BMP5: variants seen among roughly 807,000 people sequenced by gnomAD.
BMP5 encodes the protein bone morphogenetic protein 5.
BMP5 carries 23 observed loss-of-function variants against 46.6 expected under a neutral mutation model. The ratio of observed to expected loss-of-function variants is 0.49; its 90% CI spans 0.35 to 0.70. The LOEUF is 0.70. BMP5 is among the 30% of genes least tolerant of loss of function. BMP5 has a pLI of 0.00. For synonymous variants in BMP5, 204 were observed against 191.9 expected (o/e 1.06, Z -0.52); for missense variants, 545 against 565.6 (o/e 0.96, Z 0.37).
intron 3 of BMP5, among the ~76,000 whole-genome samples, chr6:55,787,983 T>A (rs557814017): frequency 6.6e-6 from 1 of 151,720 alleles, no homozygotes; most frequent in East Asian, 1.9e-4. Flanking sequence ...TTAGGGACCA[T>A]TGGACCCTAC....
chr6:55,773,050 T>C (rs964289994), intron 4 of BMP5: 1 of 377,744 alleles, frequency 2.6e-6, no homozygotes, highest in Non-Finnish European at 3.6e-6. Flanking sequence ...TTAGGAATAA[T>C]GACAAAGACT....
chr6:55,836,877 G>A (rs550712601), intron 1 of BMP5, among the ~76,000 whole-genome samples: 20 of 152,034 alleles, frequency 1.3e-4, no homozygotes, highest in Non-Finnish European at 2.1e-4. Context: ...GCTTCTTAAA[G>A]TTAACTACAG....
intron 1 of BMP5, among the ~76,000 whole-genome samples, chr6:55,873,678 A>G (rs12198673): frequency 0.1 from 15,380 of 151,982 alleles, 1,221 homozygotes; most frequent in African/African-American, 0.22. Flanking sequence ...TTTATCTCAT[A>G]TAGAAGGAAA....
At position 55,796,968 on chromosome 6, in the gene BMP5, C is replaced by T. The variant is rs147549676; in HGVS notation, c.684-2541G>A. Among the ~76,000 whole-genome samples the T allele has an allele frequency of 4.1e-4, 62 of 152,246 alleles. No homozygotes were observed. The East Asian group carries it at 0.011, about 27-fold the overall frequency. On this transcript the variant is annotated intron_variant, in intron 2 of 6. Coordinates refer to ENST00000370830, the MANE Select transcript of BMP5 (RefSeq NM_021073.4). ...AAGTTTAATTGATTTCATAAGTGCA[C>T]AGTTTTCTATTAATGGTCAAAGCTA...
At chr6:55,873,017 G>C (rs376373591) in intron 1 of BMP5, among the ~76,000 whole-genome samples, 2 of 151,906 alleles carry the variant, frequency 1.3e-5, no homozygotes, top group East Asian at 1.9e-4. Context: ...CAGGACACCT[G>C]ATTAGTGCAA....
At position 55,816,659 on chromosome 6, in the gene BMP5, TAAC is replaced by T. The variant is rs980630911; in HGVS notation, c.683+2993_683+2995del. 2.6e-4 allele frequency among the ~76,000 whole-genome samples: 39 copies of T among 152,280 alleles called. 1 individual carries two copies. The highest frequency in any genetic ancestry group is 2.2e-3 in the Admixed American group (34 of 15,288). ...GCCTTCAAATTACTGCTGTTAAAAA[TAAC>T]AATGCATATCAGTCAGTACGTATTA... On this transcript the variant is annotated intron_variant, in intron 2 of 6. Coordinates refer to ENST00000370830, the MANE Select transcript of BMP5 (RefSeq NM_021073.4).
chr6:55,819,628 A>T lies in BMP5; in HGVS notation c.683+27T>A, dbSNP rs148318469. The T allele has an allele frequency of 7.0e-5, 109 of 1,557,030 alleles. No homozygotes were observed. In the African/African-American group the frequency reaches 1.3e-3, roughly 19 times the overall value. On this transcript the variant is annotated intron_variant, in intron 2 of 6. Coordinates refer to ENST00000370830, the MANE Select transcript of BMP5 (RefSeq NM_021073.4). The stretch of plus-strand genomic sequence containing the variant: ...TAAAATTTTACATATATTTGCCAGG[A>T]TAATAAGTTAAATAAAAAGATTATA...
intron 4 of BMP5, among the ~76,000 whole-genome samples, chr6:55,771,782 TC>T (rs1775052563): frequency 6.6e-6 from 1 of 151,896 alleles, no homozygotes; most frequent in African/African-American, 2.4e-5. Flanking sequence ...ACAACTTTCC[TC>T]CCTAACTCCA....
At chr6:55,776,604 T>C (rs1323738509) in intron 3 of BMP5, among the ~76,000 whole-genome samples, 1 of 151,972 alleles carries the variant, frequency 6.6e-6, no homozygotes, top group Non-Finnish European at 1.5e-5. Flanking sequence ...GAAGTGTTAA[T>C]TTAACAGGAG....
In BMP5 at chr6:55,768,831, T is replaced by A. The variant is rs573068356; in HGVS notation, c.1027+5218A>T. ...ACTGGGGAGATATTGTGAATTTAGTTCCAGACCACTGCAATGAAGTGAACG... is the reference window on the plus strand; with the variant it reads ...ACTGGGGAGATATTGTGAATTTAGTACCAGACCACTGCAATGAAGTGAACG... On this transcript the variant is annotated intron_variant, in intron 4 of 6. Coordinates refer to ENST00000370830, the MANE Select transcript of BMP5 (RefSeq NM_021073.4). Among the ~76,000 whole-genome samples, 6 of 152,062 alleles carry A rather than the reference T, an allele frequency of 3.9e-5. No individual in the cohort carries two copies. In the East Asian group the frequency reaches 1.2e-3, roughly 30 times the overall value.
intron 2 of BMP5, among the ~76,000 whole-genome samples, chr6:55,818,976 A>T (rs929802857): frequency 6.6e-6 from 1 of 151,206 alleles, no homozygotes; most frequent in Non-Finnish European, 1.5e-5. Context: ...ACAGACAGAT[A>T]GATAGATAGA....
chr6:55,860,280 T>A (rs1279722832), intron 1 of BMP5, among the ~76,000 whole-genome samples: 3 of 152,002 alleles, frequency 2.0e-5, no homozygotes, highest in African/African-American at 7.2e-5. Context: ...TCTCAAAAAA[T>A]TTTTTTAAAA....
chr6:55,782,791 A>G (rs898100291), intron 3 of BMP5, among the ~76,000 whole-genome samples: 1 of 152,130 alleles, frequency 6.6e-6, no homozygotes, highest in Non-Finnish European at 1.5e-5. Context: ...GCTGCCATGT[A>G]CTGAAGACAA....
At chr6:55,873,954 T>C (rs966318411) in intron 1 of BMP5, among the ~76,000 whole-genome samples, 1 of 152,028 alleles carries the variant, frequency 6.6e-6, no homozygotes, top group Non-Finnish European at 1.5e-5. Context: ...TTAAGTAGTA[T>C]GTGAATATAT....
At chr6:55,780,490 G>GAAAGAAA (rs1775290279) in intron 3 of BMP5, among the ~76,000 whole-genome samples, 1 of 137,010 alleles carries the variant, frequency 7.3e-6, no homozygotes, top group Non-Finnish European at 1.6e-5. Context: ...AAGAAAGAAA[G>GAAAGAAA]AAAGAAAGAA....
intron 2 of BMP5, among the ~76,000 whole-genome samples, chr6:55,803,210 C>T (rs1286824598): frequency 2.0e-5 from 3 of 151,808 alleles, no homozygotes; most frequent in East Asian, 1.9e-4. Flanking sequence ...GCAGGAGAAT[C>T]GCTTAAACCC....
rs569090588 is a variant in BMP5 at position 55,754,327 on chromosome 6, C to G, written c.*1206G>C. ...AAGAACACACATGCACACACAGACA[C>G]ACACACACACACACACACAACAGAA... is the stretch of plus-strand genomic sequence containing the variant. On this transcript the variant is annotated 3_prime_UTR_variant, in exon 7 of 7. Coordinates refer to ENST00000370830, the MANE Select transcript of BMP5 (RefSeq NM_021073.4). The G allele has an allele frequency of 8.4e-4, 124 of 147,746 alleles. 1 individual carries two copies. The highest frequency in any genetic ancestry group is 2.9e-3 in the African/African-American group (116 of 39,768). The allele number at this position is 147,746 out of a possible 1,614,324, so 9.2% of individuals were successfully genotyped here. A position where few individuals can be genotyped will look rare whatever the true frequency, so the allele number is the denominator to read the frequency against.
intron 3 of BMP5, among the ~76,000 whole-genome samples, chr6:55,776,183 CTA>C (rs1380142958): frequency 1.3e-5 from 2 of 151,964 alleles, no homozygotes; most frequent in Non-Finnish European, 2.9e-5. Flanking sequence ...TAGAAAAACT[CTA>C]TCACTGGCAT....
At chr6:55,794,519 G>T (rs1775659233) in intron 2 of BMP5, 92 bp from the exon 3 acceptor site, 1 of 1,252,302 alleles carries the variant, frequency 8.0e-7, no homozygotes, top group Non-Finnish European at 1.2e-6. Flanking sequence ...AAAGCAGTTT[G>T]TAAAATAACA....
Sources: gnomAD v4.1 joint callset for allele counts (sites outside exome capture counted in the v4.1 genomes callset) on GRCh38, gnomAD v4.1.1 for gene constraint, MANE v1.5 for transcripts, NCBI Gene and HGNC (gene_info 2026-07-23, HGNC 2026-07-21) for gene names.